Variants in ULK2 observed in about 807,000 individuals in gnomAD.
ULK2 encodes serine/threonine-protein kinase ULK2.
A neutral mutation model predicts 127.5 loss-of-function variants in ULK2; 76 were observed. The observed-to-expected ratio is 0.60, with a 90% CI of 0.50 to 0.72. The LOEUF is 0.72. ULK2 is among the 30% of genes least tolerant of loss of function. The pLI is 0.00. For synonymous variants in ULK2, 452 were observed against 461.9 expected (o/e 0.98, Z 0.28); for missense variants, 1,144 against 1,295.9 (o/e 0.88, Z 1.80).
At chr17:19,826,248 A>AT in intron 10 of ULK2, 62 bp from the exon 11 acceptor site, 4 of 1,063,520 alleles carry the variant, frequency 3.8e-6, no homozygotes, top group Middle Eastern at 2.2e-4. Context: ...CAACCAGGTT[A>AT]TTTTTTCTCA....
At chr17:19,849,453 A>T (rs1378562306) in intron 4 of ULK2, 48 bp from the exon 5 acceptor site, 2 of 1,514,990 alleles carry the variant, frequency 1.3e-6, no homozygotes, top group Non-Finnish European at 1.8e-6. Flanking sequence ...GTGATTCAAG[A>T]TTAATTCAAT....
Position 19,820,500 on chromosome 17 carries a change from G to A in ULK2, c.925-3580C>T, listed in dbSNP as rs536853683. On this transcript the variant is annotated intron_variant, in intron 12 of 26. Transcript: ENST00000395544. Reference sequence around the variant, plus strand: ...AAACTGAACTACTGAGTGCAGCCTTGTTCTTTCTGCAATGATGGAAAAGGC... The same window carrying A: ...AAACTGAACTACTGAGTGCAGCCTTATTCTTTCTGCAATGATGGAAAAGGC... 2.0e-5 allele frequency among the ~76,000 whole-genome samples: 3 copies of A among 152,262 alleles called. No individual in the cohort carries two copies. The East Asian group carries it at 5.8e-4, about 29-fold the overall frequency.
At chr17:19,853,745 G>A (rs2042066854) in intron 3 of ULK2, among the ~76,000 whole-genome samples, 2 of 151,796 alleles carry the variant, frequency 1.3e-5, no homozygotes, top group African/African-American at 2.4e-5. Flanking sequence ...CTAATTTTTT[G>A]TATTTTTAGT....
chr17:19,780,629 ACTG>A lies in ULK2; in HGVS notation c.2759-3_2759-1del. 6.3e-7 allele frequency: 1 copy of A among 1,599,026 alleles called. No individual in the cohort carries two copies. Among genetic ancestry groups the A allele is most frequent in the Admixed American group, 1.8e-5 (1 of 56,804 alleles). ...ATATCGTTCGTTCAGATTCTTGACA[ACTG>A]AAAAAAAATTGAGATGGGAACTAAT... On this transcript the variant is annotated splice_acceptor_variant and splice_polypyrimidine_tract_variant and intron_variant, in intron 24 of 26. Coordinates refer to ENST00000395544, the MANE Select transcript of ULK2 (RefSeq NM_014683.4). LOFTEE classifies it high-confidence loss of function.
At chr17:19,854,754 G>A (rs2042087818) in intron 3 of ULK2, among the ~76,000 whole-genome samples, 1 of 152,026 alleles carries the variant, frequency 6.6e-6, no homozygotes, top group African/African-American at 2.4e-5. Context: ...ATGAAACCTA[G>A]GGGTCATTAA....
intron 25 of ULK2, among the ~76,000 whole-genome samples, chr17:19,780,253 A>G (rs1336111121): frequency 6.6e-6 from 1 of 152,166 alleles, no homozygotes; most frequent in Non-Finnish European, 1.5e-5. Flanking sequence ...ATAAACTTAT[A>G]GCAAATGTGG....
chr17:19,781,222 T>C, intron 23 of ULK2, 118 bp from the exon 24 acceptor site: 1 of 701,072 alleles, frequency 1.4e-6, no homozygotes, highest in Non-Finnish European at 2.3e-6. Context: ...TCCTCTTTGA[T>C]TTCTTTTCTT....
At position 19,786,086 on chromosome 17, in the gene ULK2, G is replaced by A. The variant is rs2087024673; in HGVS notation, c.2102C>T (p.Ala701Val). 2 of 1,559,008 alleles carry A rather than the reference G, an allele frequency of 1.3e-6. No individual in the cohort carries two copies. The highest frequency in any genetic ancestry group is 8.6e-7 in the Non-Finnish European group (1 of 1,160,908). The change falls in exon 21 of 27, where the codon GCT becomes GTT. Residue 701 changes from alanine to valine, a missense_variant and splice_region_variant. By Grantham distance (64) the Ala-to-Val change is moderately conservative (BLOSUM62 0). Transcript: ENST00000395544. ...SLNTERPMDIAPAGACGGVLA... is the reference protein window; with the variant it reads ...SLNTERPMDIVPAGACGGVLA... ...AACACCACCACAGGCTCCTGCCGGA[G>A]CTACAACAAAAAGTTTATAGAAGGT... is the stretch of plus-strand genomic sequence containing the variant.
At chr17:19,857,963 C>T (rs2042167160) in intron 3 of ULK2, among the ~76,000 whole-genome samples, 1 of 152,050 alleles carries the variant, frequency 6.6e-6, no homozygotes, top group Non-Finnish European at 1.5e-5. Flanking sequence ...CCATTAACCC[C>T]CACCTAGCCT....
chr17:19,850,163 A>G (rs1308255745), intron 3 of ULK2, among the ~76,000 whole-genome samples: 1 of 152,178 alleles, frequency 6.6e-6, no homozygotes, highest in African/African-American at 2.4e-5. Flanking sequence ...TATGATTTGG[A>G]GCAGCAAAAC....
intron 9 of ULK2, among the ~76,000 whole-genome samples, 167 bp from the exon 10 acceptor site, chr17:19,838,750 G>A (rs1406481085): frequency 2.6e-5 from 4 of 152,070 alleles, no homozygotes; most frequent in Admixed American, 2.0e-4. Context: ...GAAAAAAGCC[G>A]GGTGCTGTGG....
rs2086750716 is a variant in ULK2 at position 19,772,590 on chromosome 17, T to A, written c.*3759A>T. 1 of 152,204 alleles carries A rather than the reference T, an allele frequency of 6.6e-6. No homozygotes were observed. The highest frequency in any genetic ancestry group is 2.1e-4 in the South Asian group (1 of 4,832). 9.4% of individuals were successfully genotyped at this position (152,204 alleles called of 1,614,324 possible). Reference sequence around the variant, plus strand: ...GAAATACTGATCAATCTTGCTTTATTCCAGAAAGAATTTAAGACTGCTTAT... The same window carrying A: ...GAAATACTGATCAATCTTGCTTTATACCAGAAAGAATTTAAGACTGCTTAT... On this transcript the variant is annotated 3_prime_UTR_variant, in exon 27 of 27. Transcript: ENST00000395544.
chr17:19,796,907 T>C (rs1471159491), intron 18 of ULK2, among the ~76,000 whole-genome samples: 1 of 152,208 alleles, frequency 6.6e-6, no homozygotes, highest in Non-Finnish European at 1.5e-5. Flanking sequence ...CTCAATTTCC[T>C]TTTTTCAGGA....
chr17:19,777,355 T>G (rs1396997300), intron 26 of ULK2, among the ~76,000 whole-genome samples: 1 of 152,212 alleles, frequency 6.6e-6, no homozygotes, highest in Non-Finnish European at 1.5e-5. Flanking sequence ...TCCGCCCACC[T>G]TGGCCTCCCA....
chr17:19,802,681 G>A (rs75221534), intron 15 of ULK2, among the ~76,000 whole-genome samples: 2 of 152,186 alleles, frequency 1.3e-5, no homozygotes, highest in African/African-American at 2.4e-5. Context: ...CAGGTTAACT[G>A]TGACACGTTT....
chr17:19,862,328 C>G (rs1471320353), intron 3 of ULK2, among the ~76,000 whole-genome samples: 1 of 152,082 alleles, frequency 6.6e-6, no homozygotes, highest in East Asian at 1.9e-4. Context: ...AACTCCTGAC[C>G]TCAGGTGATC....
intron 10 of ULK2, among the ~76,000 whole-genome samples, chr17:19,830,047 A>G (rs1312942841): frequency 1.3e-5 from 2 of 152,082 alleles, no homozygotes; most frequent in Non-Finnish European, 2.9e-5. Context: ...TCAATAAGGA[A>G]AGGGAGGCAC....
At chr17:19,832,889 G>A (rs1478084921) in intron 10 of ULK2, among the ~76,000 whole-genome samples, 2 of 152,074 alleles carry the variant, frequency 1.3e-5, no homozygotes, top group South Asian at 4.2e-4. Flanking sequence ...TTGGGAGGCC[G>A]AGGCAGGTGG....
At chr17:19,812,209 A>G (rs1324515153) in intron 13 of ULK2, among the ~76,000 whole-genome samples, 1 of 152,236 alleles carries the variant, frequency 6.6e-6, no homozygotes, top group Non-Finnish European at 1.5e-5. Context: ...TTGAAAGTCT[A>G]TTTAGAAGCC....
Sources: gnomAD v4.1 joint callset for allele counts (sites outside exome capture counted in the v4.1 genomes callset) on GRCh38, gnomAD v4.1.1 for gene constraint, MANE v1.5 for transcripts, NCBI Gene and HGNC (gene_info 2026-07-23, HGNC 2026-07-21) for gene names.